Variants in PAPPA observed in about 807,000 individuals in gnomAD.
PAPPA encodes pappalysin 1, also known as pappalysin-1.
In PAPPA, 60 loss-of-function variants were observed where a neutral mutation model predicts 164.0. The observed-to-expected ratio is 0.37, with a 90% CI of 0.30 to 0.45. The LOEUF (loss-of-function observed/expected upper bound fraction) is 0.45, where lower values mean the gene tolerates loss of function less well. PAPPA is among the 20% of genes least tolerant of loss of function. The pLI, the probability that PAPPA is intolerant of heterozygous loss-of-function variation, is 1.00. For synonymous variants in PAPPA, 875 were observed against 814.1 expected (o/e 1.07, Z -1.27); for missense variants, 1,782 against 2,087.3 (o/e 0.85, Z 2.85).
intron 1 of PAPPA, among the ~76,000 whole-genome samples, chr9:116,183,264 G>A (rs923948126): frequency 4.6e-5 from 7 of 152,130 alleles, no homozygotes; most frequent in African/African-American, 1.2e-4. Context: ...CAAGAGTTGC[G>A]AATGACATAA....
chr9:116,325,179 T>C (rs566679094), intron 10 of PAPPA, among the ~76,000 whole-genome samples: 1 of 152,236 alleles, frequency 6.6e-6, no homozygotes, highest in African/African-American at 2.4e-5. Context: ...ATTCTAGAGA[T>C]CAGTCAACTC....
chr9:116,377,209 C>T (rs112285744), intron 19 of PAPPA, among the ~76,000 whole-genome samples: 80 of 132,248 alleles, frequency 6.0e-4, no homozygotes, highest in African/African-American at 3.1e-3. Context: ...CACACACATG[C>T]GCACACACAC....
chr9:116,291,323 G>A (rs1845433040), intron 9 of PAPPA, among the ~76,000 whole-genome samples: 1 of 152,032 alleles, frequency 6.6e-6, no homozygotes, highest in Non-Finnish European at 1.5e-5. Context: ...CAGATGGTGA[G>A]GCATGATGTC....
chr9:116,311,248 T>C (rs1845714583), intron 10 of PAPPA, among the ~76,000 whole-genome samples: 1 of 152,132 alleles, frequency 6.6e-6, no homozygotes, highest in African/African-American at 2.4e-5. Flanking sequence ...ATCAACAGAA[T>C]CTTGTGAATC....
chr9:116,182,800 T>C (rs1307351890), intron 1 of PAPPA, among the ~76,000 whole-genome samples: 6 of 152,118 alleles, frequency 3.9e-5, no homozygotes, highest in Non-Finnish European at 8.8e-5. Flanking sequence ...TAGGGTGCAT[T>C]AGAAAGATCA....
At chr9:116,290,836 T>C (rs1463159754) in intron 9 of PAPPA, among the ~76,000 whole-genome samples, 1 of 150,560 alleles carries the variant, frequency 6.6e-6, no homozygotes, top group Admixed American at 6.6e-5. Flanking sequence ...GATTTTTTTT[T>C]CCATTTATTA....
chr9:116,379,213 C>T (rs967400404), intron 20 of PAPPA, among the ~76,000 whole-genome samples: 1 of 152,196 alleles, frequency 6.6e-6, no homozygotes, highest in African/African-American at 2.4e-5. Flanking sequence ...TGCAGGTGCC[C>T]CTCATCTCCT....
At chr9:116,167,238 A>G (rs185477284) in intron 1 of PAPPA, among the ~76,000 whole-genome samples, 5 of 152,312 alleles carry the variant, frequency 3.3e-5, no homozygotes, top group Admixed American at 3.3e-4. Flanking sequence ...CCAACATAAA[A>G]TGGCATAGTG....
chr9:116,236,878 G>GGAATTT (rs1304357892), intron 7 of PAPPA, among the ~76,000 whole-genome samples: 1 of 152,160 alleles, frequency 6.6e-6, no homozygotes, highest in Non-Finnish European at 1.5e-5. Context: ...GGTAAGGATT[G>GGAATTT]GAATTTCGTT....
At chr9:116,336,708 G>A (rs1012110038) in intron 13 of PAPPA, among the ~76,000 whole-genome samples, 3 of 152,164 alleles carry the variant, frequency 2.0e-5, no homozygotes, top group Non-Finnish European at 2.9e-5. Context: ...GGTTGTAGGA[G>A]GAACATTGAA....
chr9:116,312,304 TTGTTA>T (rs1845729933), intron 10 of PAPPA, among the ~76,000 whole-genome samples: 1 of 150,578 alleles, frequency 6.6e-6, no homozygotes, highest in African/African-American at 2.4e-5. Flanking sequence ...TTTTTTTTTT[TTGTTA>T]TTGTTTTGTT....
chr9:116,155,742 T>C (rs1295516274), intron 1 of PAPPA, among the ~76,000 whole-genome samples: 1 of 152,180 alleles, frequency 6.6e-6, no homozygotes, highest in Non-Finnish European at 1.5e-5. Flanking sequence ...GATGTAGCAC[T>C]GACTATCCAG....
chr9:116,353,984 T>C (rs1312146245), intron 17 of PAPPA, among the ~76,000 whole-genome samples, 191 bp downstream of exon 17: 1 of 152,158 alleles, frequency 6.6e-6, no homozygotes, highest in Non-Finnish European at 1.5e-5. Flanking sequence ...TTGGAACTTT[T>C]ATGAAGGAAA....
intron 7 of PAPPA, among the ~76,000 whole-genome samples, chr9:116,262,137 C>T (rs556107517): frequency 1.7e-4 from 25 of 151,366 alleles, no homozygotes; most frequent in African/African-American, 6.1e-4. Flanking sequence ...ATTGGTTGAG[C>T]CAGCGAGTTT....
chr9:116,189,598 CA>C (rs1374529573), intron 2 of PAPPA, among the ~76,000 whole-genome samples: 1 of 152,120 alleles, frequency 6.6e-6, no homozygotes, highest in Non-Finnish European at 1.5e-5. Flanking sequence ...AAGTAGAGCC[CA>C]AAAGGTGAAC....
At chr9:116,163,751 T>C (rs1843693830) in intron 1 of PAPPA, among the ~76,000 whole-genome samples, 1 of 152,120 alleles carries the variant, frequency 6.6e-6, no homozygotes, top group African/African-American at 2.4e-5. Flanking sequence ...TCAGCAACAC[T>C]GGGGAAAAAA....
chr9:116,207,441 C>G lies in PAPPA; in HGVS notation c.1479-15C>G, dbSNP rs1268442275. ...TGGGGGCATGATAACAGCCAAGGTT[C>G]TTTTTCTGTTTCAGAGCCTACTTGG... On this transcript the variant is annotated splice_polypyrimidine_tract_variant and intron_variant, in intron 2 of 21. Coordinates refer to ENST00000328252, the MANE Select transcript of PAPPA (RefSeq NM_002581.5). The G allele has an allele frequency of 5.0e-6, 8 of 1,598,598 alleles. No homozygotes were observed. The highest frequency in any genetic ancestry group is 6.0e-6 in the Non-Finnish European group (7 of 1,172,054).
At chr9:116,395,282 G>A (rs1846948130) in intron 21 of PAPPA, among the ~76,000 whole-genome samples, 1 of 152,146 alleles carries the variant, frequency 6.6e-6, no homozygotes, top group Non-Finnish European at 1.5e-5. Context: ...ATGGAGAGAG[G>A]TTGGGAGGGA....
At chr9:116,303,283 C>A (rs185078588) in intron 10 of PAPPA, among the ~76,000 whole-genome samples, 4 of 152,114 alleles carry the variant, frequency 2.6e-5, no homozygotes, top group African/African-American at 9.7e-5. Flanking sequence ...TTTTAGGGGG[C>A]GCCAAGCTGT....
Sources: gnomAD v4.1 joint callset for allele counts (sites outside exome capture counted in the v4.1 genomes callset) on GRCh38, gnomAD v4.1.1 for gene constraint, MANE v1.5 for transcripts, NCBI Gene and HGNC (gene_info 2026-07-23, HGNC 2026-07-21) for gene names.